Variants in SKAP2 observed in about 807,000 individuals in gnomAD.
The protein encoded by SKAP2 is src kinase associated phosphoprotein 2, also known as src kinase-associated phosphoprotein 2.
In SKAP2, 28 loss-of-function variants were observed where a neutral mutation model predicts 54.9. The ratio of observed to expected loss-of-function variants is 0.51; its 90% CI spans 0.38 to 0.70. SKAP2 has a LOEUF of 0.70. Among genes scored for constraint, SKAP2 ranks in the 30% least tolerant of loss-of-function variants. SKAP2 has a pLI of 0.00. For missense variants in SKAP2, 356 were observed against 424.1 expected, an observed-to-expected ratio of 0.84 and a Z score of 1.41; for synonymous variants, 137 against 134.3, an observed-to-expected ratio of 1.02 and a Z score of -0.14.
intron 4 of SKAP2, among the ~76,000 whole-genome samples, chr7:26,783,658 A>G (rs1661212845): frequency 1.3e-5 from 2 of 152,156 alleles, no homozygotes; most frequent in Admixed American, 6.5e-5. Context: ...CTGGATCATA[A>G]GCCAACTGTT....
At chr7:26,751,060 T>C (rs1029182199) in intron 4 of SKAP2, among the ~76,000 whole-genome samples, 13 of 152,174 alleles carry the variant, frequency 8.5e-5, no homozygotes, top group Admixed American at 7.2e-4. Flanking sequence ...CTATTCTGTA[T>C]ACAAAAAGTT....
chr7:26,739,007 C>G (rs931765179), intron 5 of SKAP2, 129 bp from the exon 6 acceptor site: 15 of 650,388 alleles, frequency 2.3e-5, no homozygotes, highest in Non-Finnish European at 3.8e-5. Flanking sequence ...TTCCAAGAGA[C>G]AAAAAACCAA....
intron 4 of SKAP2, among the ~76,000 whole-genome samples, chr7:26,842,467 T>C (rs540610341): frequency 1.3e-4 from 20 of 151,864 alleles, no homozygotes; most frequent in Non-Finnish European, 2.5e-4. Flanking sequence ...CTGGCTCTCA[T>C]AGATATTTAA....
intron 11 of SKAP2, among the ~76,000 whole-genome samples, chr7:26,677,761 G>C (rs1233168967): frequency 6.6e-6 from 1 of 152,192 alleles, no homozygotes; most frequent in African/African-American, 2.4e-5. Context: ...CAGTCTCCTT[G>C]AATAACAGTT....
At chr7:26,723,121 C>A (rs1193376054) in intron 9 of SKAP2, among the ~76,000 whole-genome samples, 1 of 152,150 alleles carries the variant, frequency 6.6e-6, no homozygotes, top group South Asian at 2.1e-4. Context: ...GAAGTGAAAG[C>A]AATAAGCTTA....
chr7:26,665,116 C>T (rs1040018189), downstream of SKAP2, among the ~76,000 whole-genome samples: 3 of 152,130 alleles, frequency 2.0e-5, no homozygotes, highest in Non-Finnish European at 2.9e-5. Flanking sequence ...CTGCCCAAGG[C>T]GACAGCTAGA....
At chr7:26,825,263 T>C (rs533731734) in intron 4 of SKAP2, among the ~76,000 whole-genome samples, 5 of 152,304 alleles carry the variant, frequency 3.3e-5, no homozygotes, top group African/African-American at 1.2e-4. Context: ...TTTTCCTATG[T>C]ATCCTCCTTT....
intron 3 of SKAP2, among the ~76,000 whole-genome samples, chr7:26,846,460 T>A (rs1784923565): frequency 6.6e-6 from 1 of 152,168 alleles, no homozygotes; most frequent in African/African-American, 2.4e-5. Flanking sequence ...TATGCATTTA[T>A]ATACACATAC....
intron 1 of SKAP2, among the ~76,000 whole-genome samples, chr7:26,859,543 C>T (rs1785239005): frequency 6.6e-6 from 1 of 152,134 alleles, no homozygotes; most frequent in Non-Finnish European, 1.5e-5. Flanking sequence ...TCTCATGGTA[C>T]AATGGGTAAA....
In SKAP2 at chr7:26,737,521, T is replaced by C. The variant is rs189652627; in HGVS notation, c.469+1274A>G. Reference sequence around the variant, plus strand: ...TTATCTGAAATATGACAATCTTACCTGTATGTTTTTAGAATGGGGGAAAAA... The same window carrying C: ...TTATCTGAAATATGACAATCTTACCCGTATGTTTTTAGAATGGGGGAAAAA... On this transcript the variant is annotated intron_variant, in intron 6 of 12. Coordinates refer to ENST00000345317, the MANE Select transcript of SKAP2 (RefSeq NM_003930.5). Among the ~76,000 whole-genome samples, 5 of 152,350 alleles carry C rather than the reference T, an allele frequency of 3.3e-5. No individual in the cohort carries two copies. In the East Asian group the frequency reaches 9.6e-4, roughly 29 times the overall value.
At chr7:26,828,845 G>A (rs1037225880) in intron 4 of SKAP2, among the ~76,000 whole-genome samples, 9 of 151,378 alleles carry the variant, frequency 5.9e-5, no homozygotes, top group Admixed American at 5.3e-4. Flanking sequence ...TGGCCAACAT[G>A]ATGAAACCCC....
intron 4 of SKAP2, among the ~76,000 whole-genome samples, chr7:26,784,253 T>C (rs1345264074): frequency 2.6e-5 from 4 of 152,218 alleles, no homozygotes; most frequent in Admixed American, 2.6e-4. Flanking sequence ...TTACCTATTG[T>C]TGAGTTACCA....
intron 4 of SKAP2, among the ~76,000 whole-genome samples, chr7:26,763,623 T>C (rs529426640): frequency 6.6e-6 from 1 of 152,182 alleles, no homozygotes; most frequent in South Asian, 2.1e-4. Flanking sequence ...TTAACATCTA[T>C]AGATTTAGAA....
chr7:26,816,340 T>A (rs73067472), intron 4 of SKAP2, among the ~76,000 whole-genome samples: 1 of 151,940 alleles, frequency 6.6e-6, no homozygotes, highest in African/African-American at 2.4e-5. Context: ...GAGCTTATGC[T>A]GAGAAAAAAT....
At chr7:26,860,674 T>C (rs747119123) in intron 1 of SKAP2, among the ~76,000 whole-genome samples, 35 of 151,910 alleles carry the variant, frequency 2.3e-4, no homozygotes, top group Non-Finnish European at 4.7e-4. Flanking sequence ...GACCAAATTA[T>C]AAATGGAACT....
chr7:26,700,770 C>A lies in SKAP2; in HGVS notation c.797-10408G>T, dbSNP rs532443791. Among the ~76,000 whole-genome samples, 23 of 152,326 alleles carry A rather than the reference C, an allele frequency of 1.5e-4. No homozygotes were observed. In the South Asian group the frequency reaches 3.7e-3, roughly 25 times the overall value. On this transcript the variant is annotated intron_variant, in intron 9 of 12. Coordinates refer to ENST00000345317, the MANE Select transcript of SKAP2 (RefSeq NM_003930.5). ...TTAGAGTCTGTTTCAGGGAACCCAA[C>A]TTGAGACACTTTCTACTGTTTTTGA...
At chr7:26,795,727 T>C (rs1168404105) in intron 4 of SKAP2, among the ~76,000 whole-genome samples, 4 of 152,162 alleles carry the variant, frequency 2.6e-5, no homozygotes, top group Admixed American at 2.0e-4. Context: ...CTATGAAGAG[T>C]ACTGTTTGAG....
intron 4 of SKAP2, among the ~76,000 whole-genome samples, chr7:26,789,870 T>A (rs564757569): frequency 6.6e-6 from 1 of 152,296 alleles, no homozygotes; most frequent in South Asian, 2.1e-4. Context: ...CAAAGGGGAA[T>A]AAGTATATGG....
intron 3 of SKAP2, among the ~76,000 whole-genome samples, chr7:26,853,505 A>T (rs1245703057): frequency 6.6e-6 from 1 of 152,154 alleles, no homozygotes; most frequent in Non-Finnish European, 1.5e-5. Flanking sequence ...TGTCTCTCAA[A>T]TCTAGAGGGA....
Sources: gnomAD v4.1 joint callset for allele counts (sites outside exome capture counted in the v4.1 genomes callset) on GRCh38, gnomAD v4.1.1 for gene constraint, MANE v1.5 for transcripts, NCBI Gene and HGNC (gene_info 2026-07-23, HGNC 2026-07-21) for gene names.